PCDHA4: variants seen among roughly 807,000 people sequenced by gnomAD.
PCDHA4 encodes the protein protocadherin alpha-4.
In PCDHA4, 49 loss-of-function variants were observed where a neutral mutation model predicts 61.4. The ratio of observed to expected loss-of-function variants is 0.80; its 90% CI spans 0.63 to 1.01. The LOEUF (loss-of-function observed/expected upper bound fraction) is 1.01, where lower values mean the gene tolerates loss of function less well. Ranked by LOEUF, PCDHA4 falls within the 50% of genes least tolerant of loss-of-function variation. The pLI, the probability that PCDHA4 is intolerant of heterozygous loss-of-function variation, is 0.00. For synonymous variants in PCDHA4, 590 were observed against 550.3 expected, an observed-to-expected ratio of 1.07 and a Z score of -1.01; for missense variants, 1,254 against 1,235.8, an observed-to-expected ratio of 1.01 and a Z score of -0.22.
At chr5:140,932,091 T>G (rs904157159) in intron 1 of PCDHA4, among the ~76,000 whole-genome samples, 1 of 151,872 alleles carries the variant, frequency 6.6e-6, no homozygotes, top group Non-Finnish European at 1.5e-5. Context: ...GAAAACATGG[T>G]TTTTATCTCT....
rs1554141625 is a variant in PCDHA4 at position 140,847,005 on chromosome 5, A to G, written c.2385+37433A>G. On this transcript the variant is annotated intron_variant, in intron 1 of 3. Coordinates refer to ENST00000530339, the MANE Select transcript of PCDHA4 (RefSeq NM_018907.4). Reference sequence around the variant, plus strand: ...AGTTCCCCCCGGGAGAATATTGAGAATGATAGACATTTCTTGGAAAGAGAA... The same window carrying G: ...AGTTCCCCCCGGGAGAATATTGAGAGTGATAGACATTTCTTGGAAAGAGAA... 2.7e-5 allele frequency among the ~76,000 whole-genome samples: 4 copies of G among 149,762 alleles called. 1 individual carries two copies.
At chr5:140,842,682 C>G in intron 1 of PCDHA4, 1 of 1,595,358 alleles carries the variant, frequency 6.3e-7, no homozygotes. Context: ...AATGCTCCGG[C>G]GTTCGCGCAG....
intron 1 of PCDHA4, chr5:140,876,368 C>T (rs564115297): frequency 3.7e-5 from 59 of 1,613,904 alleles, no homozygotes; most frequent in Non-Finnish European, 4.9e-5. Context: ...AATCCAGACA[C>T]AGGTGAAATT....
At chr5:140,915,626 G>GTC (rs57920489) in intron 1 of PCDHA4, among the ~76,000 whole-genome samples, 4,335 of 146,228 alleles carry the variant, frequency 0.03, 91 homozygotes, top group African/African-American at 0.067. Flanking sequence ...GTCTCTTTCT[G>GTC]TCTCTCTCTC....
intron 1 of PCDHA4, among the ~76,000 whole-genome samples, chr5:140,926,001 C>A (rs782316154): frequency 3.3e-5 from 5 of 152,302 alleles, no homozygotes; most frequent in Middle Eastern, 3.4e-3. Flanking sequence ...TCCGCTGCCT[C>A]GAAAAGCCAG....
At chr5:140,853,861 T>C in intron 1 of PCDHA4, 1 of 984,790 alleles carries the variant, frequency 1.0e-6, no homozygotes, top group Non-Finnish European at 1.2e-6. Flanking sequence ...TATTTGATAC[T>C]TGACAGTGCA....
intron 1 of PCDHA4, among the ~76,000 whole-genome samples, chr5:140,892,332 T>A (rs552266223): frequency 6.6e-6 from 1 of 152,274 alleles, no homozygotes; most frequent in African/African-American, 2.4e-5. Context: ...TTCTCCAGAA[T>A]GGATTTTAAT....
chr5:140,954,885 T>C (rs1291095041), intron 1 of PCDHA4, among the ~76,000 whole-genome samples: 1 of 152,218 alleles, frequency 6.6e-6, no homozygotes, highest in Non-Finnish European at 1.5e-5. Context: ...GCTTTTCTTC[T>C]AGGGTTTTTA....
At chr5:140,829,714 C>T (rs1316878813) in intron 1 of PCDHA4, 33 of 1,613,426 alleles carry the variant, frequency 2.0e-5, no homozygotes, top group Non-Finnish European at 2.8e-5. Flanking sequence ...GCGACGCGGG[C>T]GTGCCGCCTC....
intron 1 of PCDHA4, chr5:140,876,387 T>C (rs2056316391): frequency 6.2e-7 from 1 of 1,613,830 alleles, no homozygotes; most frequent in Admixed American, 1.7e-5. Flanking sequence ...TTAGAATTTA[T>C]GGTGAACTGG....
intron 1 of PCDHA4, chr5:140,853,448 G>C: frequency 1.0e-6 from 1 of 980,734 alleles, no homozygotes; most frequent in Non-Finnish European, 1.2e-6. Context: ...TTGCCTAATA[G>C]GTCTCCTTAT....
intron 1 of PCDHA4, chr5:140,830,163 C>CCA: frequency 6.2e-7 from 1 of 1,613,430 alleles, no homozygotes; most frequent in African/African-American, 1.3e-5. Context: ...GGCCCAGAGG[C>CCA]GGCGCTGGTG....
intron 3 of PCDHA4, among the ~76,000 whole-genome samples, chr5:140,986,408 C>G (rs1587158509): frequency 6.6e-6 from 1 of 152,176 alleles, no homozygotes; most frequent in East Asian, 1.9e-4. Context: ...GCTCATGTTA[C>G]AGCTCTTTTT....
chr5:140,910,791 G>A (rs1471299729), intron 1 of PCDHA4, among the ~76,000 whole-genome samples: 2 of 152,140 alleles, frequency 1.3e-5, no homozygotes, highest in Non-Finnish European at 2.9e-5. Context: ...ATTAAATGCA[G>A]AATCCCTGCT....
chr5:140,824,627 T>TTTTTTTTTTTTTTTTTTTTG (rs1554130003), intron 1 of PCDHA4: 1 of 134,070 alleles, frequency 7.5e-6, no homozygotes, highest in Admixed American at 7.3e-5. Context: ...TTTTTTTTTT[T>TTTTTTTTTTTTTTTTTTTTG]TTTTTATTTT....
At position 140,828,217 on chromosome 5, in the gene PCDHA4, C is replaced by T. The variant is rs2150152488; in HGVS notation, c.2385+18645C>T. Reference sequence around the variant, plus strand: ...CCGTACCCGAGGAGGCCAAACACGGCACCTTCGTGGGCCGGATCGCGCAGG... The same window carrying T: ...CCGTACCCGAGGAGGCCAAACACGGTACCTTCGTGGGCCGGATCGCGCAGG... On this transcript the variant is annotated intron_variant, in intron 1 of 3. Transcript: ENST00000530339. 2.5e-6 allele frequency: 4 copies of T among 1,613,910 alleles called. No individual in the cohort carries two copies. In the African/African-American group the frequency reaches 5.3e-5, roughly 22 times the overall value.
intron 1 of PCDHA4, among the ~76,000 whole-genome samples, chr5:140,931,749 G>A (rs368438680): frequency 2.0e-5 from 3 of 151,878 alleles, no homozygotes; most frequent in East Asian, 3.9e-4. Context: ...ATTCACAAAG[G>A]CATTTGTTAT....
At chr5:140,928,529 T>C in intron 1 of PCDHA4, 7 of 1,614,226 alleles carry the variant, frequency 4.3e-6, no homozygotes, top group Non-Finnish European at 4.2e-6. Flanking sequence ...TTGTTTGTGG[T>C]AGATAGGAAT....
intron 1 of PCDHA4, among the ~76,000 whole-genome samples, chr5:140,961,887 G>GT (rs35680913): frequency 0.069 from 9,857 of 143,718 alleles, 798 homozygotes; most frequent in African/African-American, 0.2. Flanking sequence ...ACTTACATCA[G>GT]TTTTTTTTTT....
Sources: allele counts gnomAD v4.1 joint callset (sites outside exome capture counted in the v4.1 genomes callset), GRCh38; gene constraint gnomAD v4.1.1; transcripts MANE v1.5; gene names NCBI Gene and HGNC (gene_info 2026-07-23, HGNC 2026-07-21).